Variants in SIPA1L1 observed in about 807,000 individuals in gnomAD.
SIPA1L1 encodes the protein signal-induced proliferation-associated 1-like protein 1.
SIPA1L1 carries 26 observed loss-of-function variants against 162.7 expected under a neutral mutation model. That is an observed-to-expected ratio of 0.16 (90% CI 0.12 to 0.22). SIPA1L1 has a LOEUF of 0.22. Ranked by LOEUF, SIPA1L1 falls within the 10% of genes least tolerant of loss-of-function variation. SIPA1L1 has a pLI of 1.00. For missense variants in SIPA1L1, 1,874 were observed against 2,241.0 expected (o/e 0.84, Z 3.31); for synonymous variants, 829 against 837.4 (o/e 0.99, Z 0.17).
chr14:71,594,344 TA>T (rs2035782093), intron 5 of SIPA1L1, among the ~76,000 whole-genome samples: 1 of 152,248 alleles, frequency 6.6e-6, no homozygotes, highest in Non-Finnish European at 1.5e-5. Flanking sequence ...TTTAGTGGAT[TA>T]TTTTTTAGTG....
intron 2 of SIPA1L1, among the ~76,000 whole-genome samples, chr14:71,439,612 A>G (rs1194419667): frequency 6.6e-6 from 1 of 152,252 alleles, no homozygotes; most frequent in Non-Finnish European, 1.5e-5. Flanking sequence ...TGGCTGGAGG[A>G]GAAAAGAATA....
At chr14:71,467,179 A>G (rs1231032341) in intron 2 of SIPA1L1, 1 of 152,156 alleles carries the variant, frequency 6.6e-6, no homozygotes, top group Non-Finnish European at 1.5e-5. Context: ...CCAACATTGT[A>G]TGTGTGTGGA....
intron 2 of SIPA1L1, among the ~76,000 whole-genome samples, chr14:71,444,036 C>G (rs1392494866): frequency 6.6e-6 from 1 of 152,140 alleles, no homozygotes; most frequent in Non-Finnish European, 1.5e-5. Flanking sequence ...TGTTTTTCTT[C>G]ATTTATTAGT....
At chr14:71,342,068 A>C (rs2035716799) in intron 2 of SIPA1L1, among the ~76,000 whole-genome samples, 1 of 151,974 alleles carries the variant, frequency 6.6e-6, no homozygotes, top group South Asian at 2.1e-4. Flanking sequence ...CAGTGGTATC[A>C]TCTCTGCTTA....
At chr14:71,375,602 G>A (rs1277004258) in intron 2 of SIPA1L1, among the ~76,000 whole-genome samples, 2 of 151,990 alleles carry the variant, frequency 1.3e-5, no homozygotes, top group Non-Finnish European at 2.9e-5. Flanking sequence ...CTTTATTCCA[G>A]TATAGTGTTG....
intron 13 of SIPA1L1, among the ~76,000 whole-genome samples, chr14:71,688,893 G>C (rs1038343549): frequency 5.3e-5 from 8 of 152,160 alleles, no homozygotes; most frequent in African/African-American, 1.9e-4. Flanking sequence ...TAGGGAAATT[G>C]TGTTTAACCA....
chr14:71,453,756 G>A (rs1439801077), intron 2 of SIPA1L1, among the ~76,000 whole-genome samples: 1 of 152,122 alleles, frequency 6.6e-6, no homozygotes, highest in Non-Finnish European at 1.5e-5. Flanking sequence ...CACTTTGGGA[G>A]GCCGAGGCAA....
At chr14:71,610,067 G>C (rs907096837) in intron 5 of SIPA1L1, among the ~76,000 whole-genome samples, 1 of 152,134 alleles carries the variant, frequency 6.6e-6, no homozygotes, top group South Asian at 2.1e-4. Flanking sequence ...TCATTTCAAA[G>C]TAGGGGTGAG....
chr14:71,590,778 T>A (rs2035283069), intron 5 of SIPA1L1, among the ~76,000 whole-genome samples: 1 of 152,232 alleles, frequency 6.6e-6, no homozygotes, highest in Non-Finnish European at 1.5e-5. Context: ...TTTCTCATTC[T>A]TGCCAACTTG....
intron 2 of SIPA1L1, among the ~76,000 whole-genome samples, chr14:71,397,890 G>T (rs2041336434): frequency 6.6e-6 from 1 of 151,854 alleles, no homozygotes; most frequent in Admixed American, 6.6e-5. Context: ...ATCTTAGGTG[G>T]CAGAGTTTGT....
At chr14:71,481,748 T>A (rs2048368719) in intron 2 of SIPA1L1, among the ~76,000 whole-genome samples, 1 of 152,200 alleles carries the variant, frequency 6.6e-6, no homozygotes, top group African/African-American at 2.4e-5. Flanking sequence ...GGAAACTAAC[T>A]GTAGGTGATC....
At position 71,541,327 on chromosome 14, in the gene SIPA1L1, A is replaced by C. The variant is rs1475611986; in HGVS notation, c.-303+11957A>C. Among the ~76,000 whole-genome samples, 4 of 152,216 alleles carry C rather than the reference A, an allele frequency of 2.6e-5. No individual in the cohort carries two copies. In the South Asian group the frequency reaches 6.2e-4, roughly 24 times the overall value. On this transcript the variant is annotated intron_variant, in intron 4 of 23. Coordinates refer to ENST00000381232, the MANE Select transcript of SIPA1L1 (RefSeq NM_001386936.1). ...AATAATTGACTAATGTAAGGATTCT[A>C]ATGTTTATTATATCTATAACAATTC...
chr14:71,606,445 T>C (rs2037511504), intron 5 of SIPA1L1, among the ~76,000 whole-genome samples: 1 of 152,134 alleles, frequency 6.6e-6, no homozygotes, highest in East Asian at 1.9e-4. Flanking sequence ...TGTTGATCCC[T>C]AGGGCAGGGT....
rs553316420 is a variant in SIPA1L1 at position 71,698,918 on chromosome 14, A to C, written c.3375-63A>C. ...TCACATTTATATGATATTATCCATC[A>C]TGCGTTGCCTTGGGATTTTCCCTTT... On this transcript the variant is annotated intron_variant, in intron 13 of 23. Transcript: ENST00000381232. 1.9e-5 allele frequency: 30 copies of C among 1,552,284 alleles called. No individual in the cohort carries two copies. The African/African-American group carries it at 3.7e-4, about 19-fold the overall frequency.
intron 4 of SIPA1L1, among the ~76,000 whole-genome samples, chr14:71,536,764 A>G (rs1431414576): frequency 2.6e-5 from 4 of 152,228 alleles, no homozygotes; most frequent in Non-Finnish European, 5.9e-5. Flanking sequence ...AATATTGCCA[A>G]GTTTTAAATT....
At chr14:71,541,053 G>T (rs1315214923) in intron 4 of SIPA1L1, among the ~76,000 whole-genome samples, 2 of 152,000 alleles carry the variant, frequency 1.3e-5, no homozygotes, top group Non-Finnish European at 2.9e-5. Context: ...GCTTGAACTC[G>T]GGAGGTGGAG....
intron 2 of SIPA1L1, among the ~76,000 whole-genome samples, chr14:71,479,250 C>T (rs1219926559): frequency 6.6e-6 from 1 of 152,162 alleles, no homozygotes; most frequent in Non-Finnish European, 1.5e-5. Flanking sequence ...ATTATAACTG[C>T]ATTCAGTAGA....
chr14:71,513,574 A>T (rs981635957), intron 3 of SIPA1L1, among the ~76,000 whole-genome samples: 1 of 151,952 alleles, frequency 6.6e-6, no homozygotes, highest in Non-Finnish European at 1.5e-5. Flanking sequence ...TGTAACCTCA[A>T]ATTCGTGGGC....
intron 7 of SIPA1L1, among the ~76,000 whole-genome samples, chr14:71,628,771 T>C (rs922405637): frequency 6.6e-6 from 1 of 152,122 alleles, no homozygotes; most frequent in African/African-American, 2.4e-5. Flanking sequence ...GAGATGGGCC[T>C]TGGAGGGGAA....
Sources: allele counts gnomAD v4.1 joint callset (sites outside exome capture counted in the v4.1 genomes callset), GRCh38; gene constraint gnomAD v4.1.1; transcripts MANE v1.5; gene names NCBI Gene and HGNC (gene_info 2026-07-23, HGNC 2026-07-21).